Variants in NELL2 observed in about 807,000 individuals in gnomAD.
NELL2 encodes the protein neural EGFL like 2.
NELL2 carries 41 observed loss-of-function variants against 109.6 expected under a neutral mutation model. The observed-to-expected ratio is 0.37, with a 90% CI of 0.29 to 0.49. The LOEUF is 0.49. NELL2 is among the 20% of genes least tolerant of loss of function. The pLI is 0.98. For synonymous variants in NELL2, 355 were observed against 344.7 expected (o/e 1.03, Z -0.33); for missense variants, 900 against 1,008.3 (o/e 0.89, Z 1.45).
intron 7 of NELL2, among the ~76,000 whole-genome samples, chr12:44,776,354 C>T (rs1007459623): frequency 2.6e-5 from 4 of 152,024 alleles, no homozygotes; most frequent in Admixed American, 2.6e-4. Context: ...GATAAATTTG[C>T]TCCCTGCCTT....
intron 9 of NELL2, among the ~76,000 whole-genome samples, chr12:44,732,040 C>CTTGTAACTTGTAACTTG (rs1820306180): frequency 6.6e-6 from 1 of 151,782 alleles, no homozygotes. Flanking sequence ...GACTTGTACA[C>CTTGTAACTTGTAACTTG]TAAAAACTAT....
At chr12:44,800,396 A>G (rs929390146) in intron 3 of NELL2, among the ~76,000 whole-genome samples, 3 of 152,182 alleles carry the variant, frequency 2.0e-5, no homozygotes, top group Admixed American at 6.6e-5. Flanking sequence ...AGAGTCCCCA[A>G]GAGAATACAC....
intron 1 of NELL2, among the ~76,000 whole-genome samples, chr12:44,887,076 C>G (rs1945482114): frequency 6.6e-6 from 1 of 152,054 alleles, no homozygotes; most frequent in African/African-American, 2.4e-5. Context: ...GCTGAATGAG[C>G]ATGGGAGTGC....
intron 15 of NELL2, among the ~76,000 whole-genome samples, chr12:44,557,359 G>T (rs1289286011): frequency 6.6e-6 from 1 of 152,196 alleles, no homozygotes; most frequent in East Asian, 1.9e-4. Context: ...CTGAAATGCT[G>T]TTATCAGTTA....
intron 15 of NELL2, among the ~76,000 whole-genome samples, chr12:44,580,194 G>A (rs1944271466): frequency 6.6e-6 from 1 of 152,034 alleles, no homozygotes; most frequent in Admixed American, 6.6e-5. Flanking sequence ...TCCTACTCTG[G>A]TATAACCTTC....
intron 9 of NELL2, among the ~76,000 whole-genome samples, chr12:44,717,712 C>T (rs1280032354): frequency 6.6e-6 from 1 of 152,056 alleles, no homozygotes; most frequent in Non-Finnish European, 1.5e-5. Flanking sequence ...GGAGAGGCTG[C>T]CTTGTAAAAG....
chr12:44,857,446 T>C (rs1944714789), intron 2 of NELL2, among the ~76,000 whole-genome samples: 1 of 152,010 alleles, frequency 6.6e-6, no homozygotes, highest in Admixed American at 6.6e-5. Flanking sequence ...TTCACAAAGA[T>C]CCACTTCACA....
chr12:44,851,220 T>A (rs1181168156), intron 2 of NELL2, among the ~76,000 whole-genome samples: 1 of 152,112 alleles, frequency 6.6e-6, no homozygotes, highest in Non-Finnish European at 1.5e-5. Context: ...GAAACCGTAA[T>A]GACATCTGCT....
At chr12:44,598,781 T>C (rs1592182499) in intron 15 of NELL2, among the ~76,000 whole-genome samples, 1 of 152,030 alleles carries the variant, frequency 6.6e-6, no homozygotes, top group South Asian at 2.1e-4. Context: ...CCTGGTCTTA[T>C]AGGAGGCTCA....
At chr12:44,640,436 G>A (rs1311085873) in intron 13 of NELL2, among the ~76,000 whole-genome samples, 1 of 152,042 alleles carries the variant, frequency 6.6e-6, no homozygotes, top group Admixed American at 6.5e-5. Context: ...ACAAATAATT[G>A]TTTTGCCTCC....
At chr12:44,773,406 G>C (rs1941626656) in intron 9 of NELL2, among the ~76,000 whole-genome samples, 1 of 152,116 alleles carries the variant, frequency 6.6e-6, no homozygotes, top group South Asian at 2.1e-4. Flanking sequence ...AACCTGGAAG[G>C]CGGAGCTTGC....
intron 2 of NELL2, 145 bp from the exon 3 acceptor site, chr12:44,816,281 T>C (rs746757109): frequency 1.6e-6 from 1 of 621,854 alleles, no homozygotes; most frequent in Non-Finnish European, 2.6e-6. Flanking sequence ...GTAAATTATT[T>C]TTCAAAAAGA....
chr12:44,761,828 T>C (rs1369708355), intron 9 of NELL2, among the ~76,000 whole-genome samples: 1 of 152,040 alleles, frequency 6.6e-6, no homozygotes, highest in Non-Finnish European at 1.5e-5. Context: ...AGCTAAACAA[T>C]GGGTACACAT....
intron 1 of NELL2, among the ~76,000 whole-genome samples, chr12:44,894,319 T>G (rs1945569150): frequency 6.6e-6 from 1 of 152,228 alleles, no homozygotes; most frequent in South Asian, 2.1e-4. Flanking sequence ...ATCTATGTTT[T>G]GTTCTATTAA....
At chr12:44,570,218 C>T (rs1386201409) in intron 15 of NELL2, among the ~76,000 whole-genome samples, 1 of 152,186 alleles carries the variant, frequency 6.6e-6, no homozygotes, top group East Asian at 1.9e-4. Context: ...TGCACACCCC[C>T]ACAGGTCCCA....
rs1943843801 is a variant in NELL2, at chr12:44,570,919, T to C, written c.1663+36250A>G. 2.6e-5 allele frequency among the ~76,000 whole-genome samples: 4 copies of C among 152,302 alleles called. No individual in the cohort carries two copies. In the South Asian group the frequency reaches 8.3e-4, roughly 32 times the overall value. On this transcript the variant is annotated intron_variant, in intron 15 of 19. Coordinates refer to ENST00000429094, the MANE Select transcript of NELL2 (RefSeq NM_001145108.2). ...CAAAATGTTGTATGGTACTGCTTTC[T>C]TGCCTTGTAAAGACAGCTAATATTT...
At chr12:44,656,732 A>G (rs968215348) in intron 13 of NELL2, among the ~76,000 whole-genome samples, 1 of 152,186 alleles carries the variant, frequency 6.6e-6, no homozygotes, top group Non-Finnish European at 1.5e-5. Context: ...TGTCCCCAGT[A>G]TTCTTACTTC....
intron 1 of NELL2, among the ~76,000 whole-genome samples, chr12:44,901,191 G>T (rs181840042): frequency 1.3e-5 from 2 of 152,022 alleles, no homozygotes; most frequent in East Asian, 3.9e-4. Flanking sequence ...GAATCAAATA[G>T]ACACAATAAA....
intron 15 of NELL2, among the ~76,000 whole-genome samples, chr12:44,577,787 T>A (rs965142788): frequency 4.6e-5 from 7 of 152,130 alleles, no homozygotes; most frequent in African/African-American, 1.7e-4. Context: ...CGAGCCTGCC[T>A]TCTCTTAAAA....
Sources: gnomAD v4.1 joint callset for allele counts (sites outside exome capture counted in the v4.1 genomes callset) on GRCh38, gnomAD v4.1.1 for gene constraint, MANE v1.5 for transcripts, NCBI Gene and HGNC (gene_info 2026-07-23, HGNC 2026-07-21) for gene names.